The following FGF13 variants were observed in gnomAD, a reference collection of about 807,000 sequenced individuals.
FGF13 encodes fibroblast growth factor 13, also known as fibroblast growth factor homologous factor 2.
A neutral mutation model predicts 19.5 loss-of-function variants in FGF13; 2 were observed. That is an observed-to-expected ratio of 0.10 (90% CI 0.04 to 0.32). The LOEUF (loss-of-function observed/expected upper bound fraction) is 0.32, where lower values mean the gene tolerates loss of function less well. FGF13 is among the 10% of genes least tolerant of loss of function. The pLI, the probability that FGF13 is intolerant of heterozygous loss-of-function variation, is 1.00. For synonymous variants in FGF13, 72 were observed against 76.9 expected (o/e 0.94, Z 0.33); for missense variants, 113 against 192.7 (o/e 0.59, Z 2.45).
intron 3 of FGF13, among the ~76,000 whole-genome samples, chrX:138,664,395 A>C (rs772368054): frequency 9.0e-5 from 10 of 111,584 alleles, no homozygotes; most frequent in African/African-American, 2.6e-4. Flanking sequence ...TGTTATATTC[A>C]ATACATGTAC....
chrX:139,098,834 A>T (rs1490768339), intron 1 of FGF13, among the ~76,000 whole-genome samples: 1 of 111,893 alleles, frequency 8.9e-6, no homozygotes, highest in Non-Finnish European at 1.9e-5. Context: ...TCTCAACATC[A>T]TGCAATATAC....
chrX:139,114,099 C>T (rs1035201141), intron 1 of FGF13, among the ~76,000 whole-genome samples: 1 of 111,799 alleles, frequency 8.9e-6, no homozygotes, highest in Admixed American at 9.5e-5. Flanking sequence ...CCTGGTTAAC[C>T]GGAAGCTGGC....
chrX:139,196,276 A>G (rs753710702), intron 1 of FGF13, among the ~76,000 whole-genome samples: 50 of 112,410 alleles, frequency 4.4e-4, no homozygotes, highest in African/African-American at 1.6e-3. Flanking sequence ...TGCAAAAGAA[A>G]GTACCATTGT....
chrX:138,859,842 CCT>C (rs2091279230), intron 2 of FGF13, among the ~76,000 whole-genome samples: 1 of 112,001 alleles, frequency 8.9e-6, no homozygotes, highest in African/African-American at 3.2e-5. Context: ...CAAAATTTTC[CCT>C]GTCTTTTGTT....
intron 3 of FGF13, among the ~76,000 whole-genome samples, chrX:138,767,135 G>A (rs1018015889): frequency 1.8e-5 from 2 of 111,587 alleles, no homozygotes; most frequent in Non-Finnish European, 3.8e-5. Flanking sequence ...GAGGTGAGAG[G>A]GGACCAGAAC....
At chrX:138,752,198 G>A (rs368076601) in intron 3 of FGF13, among the ~76,000 whole-genome samples, 33 of 111,471 alleles carry the variant, frequency 3.0e-4, no homozygotes, top group East Asian at 2.8e-3. Context: ...AGGCGGAGGC[G>A]GGCAGATCAC....
rs146397348 is a variant in FGF13 at position 139,067,443 on chromosome X, T to A, written c.-113+135973A>T. 6.3e-5 allele frequency among the ~76,000 whole-genome samples: 7 copies of A among 111,600 alleles called. No individual in the cohort carries two copies. The East Asian group carries it at 8.5e-4, about 14-fold the overall frequency. ...AAGCAAATTCAGCAAAGTGTCAGGA[T>A]ACAAAATCAATGTGCAAAAATCACA... On this transcript the variant is annotated intron_variant, in intron 1 of 2. Coordinates refer to the FGF13 transcript ENST00000421460.
intron 1 of FGF13, among the ~76,000 whole-genome samples, chrX:138,981,746 T>A (rs1221543542): frequency 1.8e-5 from 2 of 110,999 alleles, no homozygotes; most frequent in Non-Finnish European, 3.8e-5. Context: ...ATTCTAGACT[T>A]GGTGGCCATG....
At chrX:138,763,429 C>G (rs149128864) in intron 3 of FGF13, among the ~76,000 whole-genome samples, 1,785 of 111,771 alleles carry the variant, frequency 0.016, 25 homozygotes, top group African/African-American at 0.055. Context: ...TGTTTGTAGT[C>G]CTTGCATTGT....
chrX:138,846,185 T>TTGTGTGTGTGTGTGTGTGTG (rs200911113), intron 3 of FGF13, among the ~76,000 whole-genome samples: 1 of 96,626 alleles, frequency 1.0e-5, no homozygotes, highest in Non-Finnish European at 2.1e-5. Context: ...ATGTGTCCAT[T>TTGTGTGTGTGTGTGTGTGTG]TGTGTGTGTG....
intron 3 of FGF13, among the ~76,000 whole-genome samples, chrX:138,834,274 G>T (rs941578033): frequency 9.0e-6 from 1 of 111,579 alleles, no homozygotes; most frequent in Non-Finnish European, 1.9e-5. Context: ...AATCCCTCTG[G>T]TCCTGGACTT....
chrX:139,169,382 C>A (rs986886241), intron 1 of FGF13, among the ~76,000 whole-genome samples: 41 of 111,375 alleles, frequency 3.7e-4, no homozygotes, highest in Non-Finnish European at 6.2e-4. Flanking sequence ...TCACTGACCC[C>A]GAGGGCCAGA....
At chrX:139,070,379 GCTC>G (rs1284954888) in intron 1 of FGF13, among the ~76,000 whole-genome samples, 1 of 112,504 alleles carries the variant, frequency 8.9e-6, no homozygotes, top group African/African-American at 3.2e-5. Context: ...ATGAAAAAAA[GCTC>G]ATCATCACTG....
intron 3 of FGF13, among the ~76,000 whole-genome samples, chrX:138,648,476 A>AT (rs922981488): frequency 2.7e-5 from 3 of 111,050 alleles, no homozygotes; most frequent in African/African-American, 6.6e-5. Flanking sequence ...AGTAGGAGAT[A>AT]TTTTTTTCTT....
chrX:138,948,006 C>T (rs978560483), intron 1 of FGF13, among the ~76,000 whole-genome samples: 2 of 111,538 alleles, frequency 1.8e-5, no homozygotes, highest in African/African-American at 6.5e-5. Flanking sequence ...CAAAAAGAAG[C>T]CAACTCTGCC....
downstream of FGF13, among the ~76,000 whole-genome samples, chrX:138,852,900 A>G (rs1484500530): frequency 9.0e-6 from 1 of 111,393 alleles, no homozygotes; most frequent in Non-Finnish European, 1.9e-5. Context: ...GGCAAAGGAC[A>G]TGAACAGACA....
In FGF13 at chrX:138,884,466, T is replaced by G. The variant is rs1204053028; in HGVS notation, c.-112-19816A>C. Among the ~76,000 whole-genome samples the G allele has an allele frequency of 2.7e-5, 3 of 112,412 alleles. No individual in the cohort carries two copies. The East Asian group carries it at 8.4e-4, about 31-fold the overall frequency. On this transcript the variant is annotated intron_variant, in intron 1 of 2. Transcript: ENST00000421460. ...ACCCAAAGTATTTGTTCTCTAAACC[T>G]TGTCCCCAATAACAAAGTCCATTTG...
intron 3 of FGF13, among the ~76,000 whole-genome samples, chrX:138,648,859 T>G (rs2089335521): frequency 8.9e-6 from 1 of 111,824 alleles, no homozygotes; most frequent in Non-Finnish European, 1.9e-5. Flanking sequence ...TTGACAGGAA[T>G]GCAAATGCAC....
Position 138,615,172 on chromosome X carries a change from C to T in FGF13, c.*17678G>A, listed in dbSNP as rs775449722. The stretch of plus-strand genomic sequence containing the variant: ...AATTGCATAGACCTACACACATAAA[C>T]GTGCACGCACACACACACACACATA... On this transcript the variant is annotated 3_prime_UTR_variant, in exon 5 of 5. Coordinates refer to ENST00000315930, the MANE Select transcript of FGF13 (RefSeq NM_004114.5). 11 of 111,018 alleles carry T rather than the reference C, an allele frequency of 9.9e-5. No individual in the cohort carries two copies. The highest frequency in any genetic ancestry group is 5.8e-4 in the Admixed American group (6 of 10,426). 9.1% of individuals were successfully genotyped at this position (111,018 alleles called of 1,213,427 possible). A position where few individuals can be genotyped will look rare whatever the true frequency, so the allele number is the denominator to read the frequency against.
Sources: allele counts gnomAD v4.1 joint callset (sites outside exome capture counted in the v4.1 genomes callset), GRCh38; gene constraint gnomAD v4.1.1; transcripts MANE v1.5; gene names NCBI Gene and HGNC (gene_info 2026-07-23, HGNC 2026-07-21).